Variants in NECTIN1 observed in about 807,000 individuals in gnomAD.
The protein encoded by NECTIN1 is nectin-1.
In NECTIN1, 23 loss-of-function variants were observed where a neutral mutation model predicts 48.0. The observed-to-expected ratio is 0.48, with a 90% CI of 0.34 to 0.68. The LOEUF (loss-of-function observed/expected upper bound fraction) is 0.68, where lower values mean the gene tolerates loss of function less well. Ranked by LOEUF, NECTIN1 falls within the 30% of genes least tolerant of loss-of-function variation. NECTIN1 has a pLI of 0.01. For missense variants in NECTIN1, 591 were observed against 709.9 expected (o/e 0.83, Z 1.90); for synonymous variants, 270 against 288.9 (o/e 0.93, Z 0.66).
At chr11:119,713,526 G>GC (rs1591484460) in intron 1 of NECTIN1, 3 of 33,190 alleles carry the variant, frequency 9.0e-5, no homozygotes, top group Admixed American at 3.8e-4. Context: ...CCCTTCCCCT[G>GC]CCCCCTCCCC....
rs531353778 is a variant in NECTIN1 at position 119,640,108 on chromosome 11, T to A, written c.1004-96A>T. On this transcript the variant is annotated intron_variant, in intron 5 of 7. Coordinates refer to the NECTIN1 transcript ENST00000341398. ...AGAGAGTCAGACCCTGAGGCAGTAC[T>A]CTGCCTTTGACATTGCACCCCCAGC... The A allele has an allele frequency of 1.3e-5, 18 of 1,337,378 alleles. No homozygotes were observed. The African/African-American group carries it at 2.2e-4, about 16-fold the overall frequency. The allele number at this position is 1,337,378 out of a possible 1,614,324, so 82.8% of individuals were successfully genotyped here. A position where few individuals can be genotyped will look rare whatever the true frequency, so the allele number is the denominator to read the frequency against.
At chr11:119,646,395 C>A (rs967546690) in intron 5 of NECTIN1, among the ~76,000 whole-genome samples, 1 of 152,204 alleles carries the variant, frequency 6.6e-6, no homozygotes, top group Non-Finnish European at 1.5e-5. Context: ...GTTCAATAAA[C>A]AGAAATGGAT....
intron 5 of NECTIN1, among the ~76,000 whole-genome samples, chr11:119,653,072 T>C (rs1275066669): frequency 1.3e-5 from 2 of 152,162 alleles, no homozygotes; most frequent in Non-Finnish European, 2.9e-5. Flanking sequence ...TCCATTTCTG[T>C]GAAGTTCCAG....
At chr11:119,703,431 C>T (rs1037532599) in intron 1 of NECTIN1, among the ~76,000 whole-genome samples, 5 of 152,224 alleles carry the variant, frequency 3.3e-5, no homozygotes, top group African/African-American at 7.2e-5. Context: ...CAATACCACG[C>T]TGTCTTGTAC....
In NECTIN1 at chr11:119,709,421, G is replaced by GA. The variant is rs1355104133; in HGVS notation, c.79+19053_79+19054insT. Among the ~76,000 whole-genome samples, 2 of 152,178 alleles carry GA rather than the reference G, an allele frequency of 1.3e-5. No individual in the cohort carries two copies. The highest frequency in any genetic ancestry group is 4.8e-5 in the African/African-American group (2 of 41,442). On this transcript the variant is annotated intron_variant, in intron 1 of 5. Transcript: ENST00000264025. This position sits in a 1 kb window ranked among gnomAD's most constrained non-coding sequence, Gnocchi z 4.1. ...ACCTGGGGCCGGGGGAGAGCCTGCA[G>GA]GGGCAGGGGCGCAGAGGAAGCCGAG... is the stretch of plus-strand genomic sequence containing the variant.
At chr11:119,638,157 C>G (rs780910043) in exon 8 of NECTIN1, 3 of 1,613,828 alleles carry the variant, frequency 1.9e-6, no homozygotes, top group Non-Finnish European at 2.5e-6. Context: ...GAGGGGGAGA[C>G]CCCCAGATCA....
At chr11:119,660,167 G>A (rs1864637464), downstream of NECTIN1, among the ~76,000 whole-genome samples, 1 of 152,116 alleles carries the variant, frequency 6.6e-6, no homozygotes, top group South Asian at 2.1e-4. Flanking sequence ...CCTTTCCCAG[G>A]GGTCGTTGGT....
In NECTIN1 at chr11:119,692,349, C is replaced by T. The variant is rs1865271125; in HGVS notation, c.80-13584G>A. ...TCCCTTCCCTTCCCTCCTTCCATTCCCATGCTCTCTTGGCTCTGTGCAGAG... is the reference window on the plus strand; with the variant it reads ...TCCCTTCCCTTCCCTCCTTCCATTCTCATGCTCTCTTGGCTCTGTGCAGAG... On this transcript the variant is annotated intron_variant, in intron 1 of 5. Transcript: ENST00000264025. Among the ~76,000 whole-genome samples, 5 of 152,228 alleles carry T rather than the reference C, an allele frequency of 3.3e-5. No homozygotes were observed. The South Asian group carries it at 1.0e-3, about 31-fold the overall frequency.
chr11:119,728,427 G>A lies in NECTIN1; in HGVS notation c.79+48C>T, dbSNP rs762481936. On this transcript the variant is annotated intron_variant, in intron 1 of 5. Coordinates refer to ENST00000264025, the MANE Select transcript of NECTIN1 (RefSeq NM_002855.5). ...TGCCCGCCATCCGGCTCCCAGCCCC[G>A]GGGAGGCATTGGATGGGGGTGGGGA... 34 of 1,512,758 alleles carry A rather than the reference G, an allele frequency of 2.2e-5. No homozygotes were observed. The East Asian group carries it at 7.0e-4, about 31-fold the overall frequency. The allele number at this position is 1,512,758 out of a possible 1,614,324, so 93.7% of individuals were successfully genotyped here. A position where few individuals can be genotyped will look rare whatever the true frequency, so the allele number is the denominator to read the frequency against.
chr11:119,690,133 T>G (rs1039396050), intron 1 of NECTIN1, among the ~76,000 whole-genome samples: 2 of 152,086 alleles, frequency 1.3e-5, no homozygotes, highest in Admixed American at 6.5e-5. Flanking sequence ...TACCTGGACT[T>G]AGGCGGTGCC....
chr11:119,647,106 C>A (rs964115081), intron 5 of NECTIN1, among the ~76,000 whole-genome samples: 1 of 151,312 alleles, frequency 6.6e-6, no homozygotes, highest in Admixed American at 6.6e-5. Flanking sequence ...CCACACACCC[C>A]CAACTGGTCT....
intron 6 of NECTIN1, chr11:119,639,667 C>A: frequency 1.5e-6 from 1 of 649,852 alleles, no homozygotes; most frequent in Non-Finnish European, 2.7e-6. Context: ...TGAACTGGGG[C>A]GGTGCCTGGC....
intron 1 of NECTIN1, among the ~76,000 whole-genome samples, chr11:119,703,028 C>T (rs1865483885): frequency 6.6e-6 from 1 of 152,236 alleles, no homozygotes; most frequent in Non-Finnish European, 1.5e-5. Context: ...TATTCAGTGT[C>T]TGGCCCCCAC....
intron 1 of NECTIN1, among the ~76,000 whole-genome samples, chr11:119,699,594 C>T (rs535471399): frequency 1.2e-4 from 19 of 152,306 alleles, no homozygotes; most frequent in Admixed American, 9.1e-4. Context: ...CTGGAGGGCC[C>T]GTTCCATCTA....
intron 1 of NECTIN1, among the ~76,000 whole-genome samples, chr11:119,699,487 C>T (rs1865402200): frequency 0.024 from 2 of 82 alleles, no homozygotes; most frequent in African/African-American, 0.071. Flanking sequence ...AGAGCAGAGG[C>T]CCCTGTCCCC....
intron 1 of NECTIN1, among the ~76,000 whole-genome samples, chr11:119,688,978 C>T (rs1209411235): frequency 6.6e-6 from 1 of 151,770 alleles, no homozygotes; most frequent in Non-Finnish European, 1.5e-5. Flanking sequence ...GTGTTGTGAG[C>T]ACCTTTAGAC....
rs1864968414 is a variant in NECTIN1 at position 119,677,215 on chromosome 11, C to T, written c.738G>A (p.Glu246=). ...CAAACCCCTCAATGGTTACCTCAGG[C>T]TCATCTGTGGGGCAAGGGATGTTTG... ...KESLTLNVQY[E]PEVTIEGFDG... Residue 246 remains glutamate (E), a synonymous_variant, in exon 4 of 6, where the codon GAG becomes GAA. Transcript: ENST00000264025. The surrounding 1 kb of genome is among the most constrained non-coding windows in gnomAD (Gnocchi z 5.4). 6.2e-7 allele frequency: 1 copy of T among 1,613,582 alleles called. No individual in the cohort carries two copies. Among genetic ancestry groups the T allele is most frequent in the African/African-American group, 1.3e-5 (1 of 74,884 alleles).
intron 1 of NECTIN1, among the ~76,000 whole-genome samples, chr11:119,681,516 C>T (rs1417638307): frequency 6.6e-6 from 1 of 152,204 alleles, no homozygotes; most frequent in Non-Finnish European, 1.5e-5. Flanking sequence ...CATTCATTGT[C>T]TGAGTCTTCA....
At chr11:119,654,660 C>T (rs940537533) in intron 5 of NECTIN1, among the ~76,000 whole-genome samples, 113 of 152,090 alleles carry the variant, frequency 7.4e-4, no homozygotes, top group African/African-American at 2.5e-3. Flanking sequence ...CAACCTCCGC[C>T]TCCCCAGTTC....
Sources: allele counts gnomAD v4.1 joint callset (sites outside exome capture counted in the v4.1 genomes callset), GRCh38; gene constraint gnomAD v4.1.1; non-coding constraint Gnocchi (gnomAD v3.1); transcripts MANE v1.5; gene names NCBI Gene and HGNC (gene_info 2026-07-23, HGNC 2026-07-21).